The following CHMP4B variants were observed in gnomAD, a reference collection of about 807,000 sequenced individuals.
CHMP4B encodes the protein SNF7 homolog associated with Alix 1.
A neutral mutation model predicts 25.1 loss-of-function variants in CHMP4B; 1 was observed. The ratio of observed to expected loss-of-function variants is 0.04; its 90% CI spans 0.01 to 0.19. The LOEUF is 0.19. Among genes scored for constraint, CHMP4B ranks in the 10% least tolerant of loss-of-function variants. The pLI, the probability that CHMP4B is intolerant of heterozygous loss-of-function variation, is 1.00. For synonymous variants in CHMP4B, 101 were observed against 115.6 expected (o/e 0.87, Z 0.81); for missense variants, 151 against 289.7 (o/e 0.52, Z 3.48).
In CHMP4B at chr20:33,853,687, G is replaced by T; in HGVS notation, c.*127G>T. On this transcript the variant is annotated 3_prime_UTR_variant, in exon 5 of 5. Transcript: ENST00000217402. Reference sequence around the variant, plus strand: ...CATCGCTTTCGACTCTCACTCCAAAGCAGTAGGGCCGCGTTGCTGCTCACT... The same window carrying T: ...CATCGCTTTCGACTCTCACTCCAAATCAGTAGGGCCGCGTTGCTGCTCACT... 2.9e-6 allele frequency: 2 copies of T among 692,490 alleles called. No individual in the cohort carries two copies. The highest frequency in any genetic ancestry group is 5.0e-6 in the Non-Finnish European group (2 of 397,796). 42.9% of individuals were successfully genotyped at this position (692,490 alleles called of 1,614,324 possible).
chr20:33,841,605 A>G (rs1979543058), intron 1 of CHMP4B, among the ~76,000 whole-genome samples: 1 of 152,210 alleles, frequency 6.6e-6, no homozygotes. Flanking sequence ...GCACCCTCAC[A>G]CAGGGTAGAG....
Position 33,816,067 on chromosome 20 carries a change from A to G in CHMP4B, c.190+4409A>G, listed in dbSNP as rs6057910. Among the ~76,000 whole-genome samples the G allele has an allele frequency of 2.4e-3, 362 of 152,344 alleles. 8 individuals carry two copies. The highest frequency in any genetic ancestry group is 8.4e-3 in the African/African-American group (348 of 41,586). ...AAACAGACCTCAGAAGCTTGAGTAGAGTATTTGCACTGTGTAGGTGTGTCC... is the reference window on the plus strand; with the variant it reads ...AAACAGACCTCAGAAGCTTGAGTAGGGTATTTGCACTGTGTAGGTGTGTCC... On this transcript the variant is annotated intron_variant, in intron 1 of 4. Transcript: ENST00000217402.
At chr20:33,820,014 A>C (rs930597174) in intron 1 of CHMP4B, among the ~76,000 whole-genome samples, 2 of 151,768 alleles carry the variant, frequency 1.3e-5, no homozygotes, top group African/African-American at 4.8e-5. Flanking sequence ...AAAAATACAA[A>C]AAAAAAAACC....
chr20:33,842,671 T>C (rs938838354), intron 1 of CHMP4B, among the ~76,000 whole-genome samples: 1 of 152,194 alleles, frequency 6.6e-6, no homozygotes, highest in Non-Finnish European at 1.5e-5. Context: ...AGTGTGTTCA[T>C]TTGCTTTGTT....
At chr20:33,819,982 A>G (rs1024980623) in intron 1 of CHMP4B, among the ~76,000 whole-genome samples, 4 of 151,974 alleles carry the variant, frequency 2.6e-5, no homozygotes, top group Non-Finnish European at 5.9e-5. Context: ...CCTGGCTAAC[A>G]TGGTGAAACC....
chr20:33,837,441 A>G (rs573205643), intron 1 of CHMP4B, among the ~76,000 whole-genome samples: 191 of 147,366 alleles, frequency 1.3e-3, no homozygotes, highest in African/African-American at 4.4e-3. Context: ...AGGATCTAGG[A>G]AAAAAAAAAA....
chr20:33,813,581 T>C (rs1470920975), intron 1 of CHMP4B, among the ~76,000 whole-genome samples: 1 of 152,200 alleles, frequency 6.6e-6, no homozygotes, highest in Non-Finnish European at 1.5e-5. Flanking sequence ...TGACTCTCCC[T>C]CAGTCCAGAT....
intron 1 of CHMP4B, among the ~76,000 whole-genome samples, chr20:33,822,757 T>C (rs939055118): frequency 6.6e-6 from 1 of 152,188 alleles, no homozygotes; most frequent in African/African-American, 2.4e-5. Context: ...CACAGCAATA[T>C]AGGCCCAGGC....
chr20:33,849,955 T>C lies in CHMP4B; in HGVS notation c.369-997T>C, dbSNP rs80195658. 5.2e-3 allele frequency among the ~76,000 whole-genome samples: 798 copies of C among 152,316 alleles called. 6 individuals carry two copies. The highest frequency in any genetic ancestry group is 0.018 in the African/African-American group (747 of 41,554). ...TATGCCTGGCTAATTTTTAAAATTT[T>C]CTGCAGGGATGGGGTCTCACTGTGT... On this transcript the variant is annotated intron_variant, in intron 2 of 4. Transcript: ENST00000217402.
chr20:33,848,252 C>T (rs1445992430), intron 1 of CHMP4B, among the ~76,000 whole-genome samples: 3 of 152,112 alleles, frequency 2.0e-5, no homozygotes, highest in Non-Finnish European at 2.9e-5. Context: ...TGAACTTTGG[C>T]TTGTGTGCTT....
intron 1 of CHMP4B, among the ~76,000 whole-genome samples, chr20:33,841,782 C>CT (rs1979549569): frequency 6.6e-6 from 1 of 152,132 alleles, no homozygotes; most frequent in Admixed American, 6.5e-5. Context: ...CTTTTTGGTT[C>CT]TTTCATGTGT....
At chr20:33,845,321 C>CT (rs1019552702) in intron 1 of CHMP4B, among the ~76,000 whole-genome samples, 8 of 149,008 alleles carry the variant, frequency 5.4e-5, no homozygotes, top group South Asian at 4.3e-4. Context: ...CTTGGTGAAT[C>CT]TTTTTTTTTT....
At chr20:33,847,125 G>C (rs923702281) in intron 1 of CHMP4B, among the ~76,000 whole-genome samples, 1 of 151,928 alleles carries the variant, frequency 6.6e-6, no homozygotes, top group Non-Finnish European at 1.5e-5. Context: ...TGTTGTGGGG[G>C]ACATAACTTA....
rs79766928 is a variant in CHMP4B at position 33,852,151 on chromosome 20, C to T, written c.558C>T (p.Pro186=). ...LDKNLLEISG[P]ETVPLPNVPS... ...AGAATTTGCTGGAAATCAGTGGACCCGAAACAGTCCCTCTACCAAATGTTC... is the reference window on the plus strand; with the variant it reads ...AGAATTTGCTGGAAATCAGTGGACCTGAAACAGTCCCTCTACCAAATGTTC... Residue 186 remains proline, a synonymous_variant, in exon 4 of 5, where the codon CCC becomes CCT. Coordinates refer to ENST00000217402, the MANE Select transcript of CHMP4B (RefSeq NM_176812.5). The T allele has an allele frequency of 1.4e-3, 2,322 of 1,614,170 alleles. 33 individuals are homozygous for T. In the African/African-American group the frequency reaches 0.027, roughly 19 times the overall value.
intron 1 of CHMP4B, among the ~76,000 whole-genome samples, chr20:33,820,950 G>A (rs2122785226): frequency 1.3e-5 from 2 of 152,310 alleles, no homozygotes; most frequent in South Asian, 4.1e-4. Flanking sequence ...TAAATTTAGA[G>A]TATAGTTTAT....
chr20:33,847,604 T>C (rs1979721279), intron 1 of CHMP4B, among the ~76,000 whole-genome samples: 1 of 152,108 alleles, frequency 6.6e-6, no homozygotes, highest in South Asian at 2.1e-4. Flanking sequence ...TAACATGAGG[T>C]GATCTCCACA....
chr20:33,829,471 AACT>A (rs1979182806), intron 1 of CHMP4B, among the ~76,000 whole-genome samples: 1 of 152,304 alleles, frequency 6.6e-6, no homozygotes, highest in South Asian at 2.1e-4. Context: ...GGCTCTAAGG[AACT>A]GATTTCCCTT....
chr20:33,822,224 A>G (rs752165463), intron 1 of CHMP4B, among the ~76,000 whole-genome samples: 2 of 151,474 alleles, frequency 1.3e-5, no homozygotes, highest in Non-Finnish European at 2.9e-5. Flanking sequence ...GCTCACTGCA[A>G]CCTCCACCTC....
intron 1 of CHMP4B, among the ~76,000 whole-genome samples, chr20:33,826,307 T>A (rs1979092907): frequency 6.6e-6 from 1 of 152,036 alleles, no homozygotes; most frequent in South Asian, 2.1e-4. Context: ...CCGAGGAGAC[T>A]GTGGGACCCA....
Sources: gnomAD v4.1 joint callset for allele counts (sites outside exome capture counted in the v4.1 genomes callset) on GRCh38, gnomAD v4.1.1 for gene constraint, MANE v1.5 for transcripts, NCBI Gene and HGNC (gene_info 2026-07-23, HGNC 2026-07-21) for gene names.